Variants in KIAA0586 observed in about 807,000 individuals in gnomAD.
KIAA0586 encodes the protein KIAA0586.
Under a neutral mutation model 169.8 loss-of-function variants are expected in KIAA0586, and 144 were observed. The ratio of observed to expected loss-of-function variants is 0.85; its 90% CI spans 0.74 to 0.97. The LOEUF is 0.97. Among genes scored for constraint, KIAA0586 ranks in the 50% least tolerant of loss-of-function variants. The pLI is 0.00. For missense variants in KIAA0586, 1,854 were observed against 1,823.0 expected, an observed-to-expected ratio of 1.02 and a Z score of -0.31; for synonymous variants, 625 against 612.4, an observed-to-expected ratio of 1.02 and a Z score of -0.30.
At chr14:58,536,069 A>T (rs775158178) in intron 29 of KIAA0586, among the ~76,000 whole-genome samples, 16 of 152,134 alleles carry the variant, frequency 1.1e-4, no homozygotes, top group Non-Finnish European at 2.1e-4. Context: ...TTTAAATATG[A>T]GTATAACTGT....
chr14:58,499,097 G>T, intron 27 of KIAA0586, 137 bp downstream of exon 27: 1 of 734,874 alleles, frequency 1.4e-6, no homozygotes, highest in Non-Finnish European at 2.1e-6. Context: ...AAAGTTTGGT[G>T]ATAACTTTTT....
chr14:58,497,269 AG>A, intron 26 of KIAA0586, among the ~76,000 whole-genome samples: 2 of 152,144 alleles, frequency 1.3e-5, no homozygotes, highest in Middle Eastern at 6.8e-3. Flanking sequence ...CACCATGCCC[AG>A]CCAACGATTT....
intron 26 of KIAA0586, among the ~76,000 whole-genome samples, chr14:58,492,937 GAGA>G (rs2042924847): frequency 6.6e-6 from 1 of 152,202 alleles, no homozygotes; most frequent in African/African-American, 2.4e-5. Context: ...GATACATCTG[GAGA>G]AGGAGATTGA....
At chr14:58,546,630 T>C (rs899523925) in intron 30 of KIAA0586, among the ~76,000 whole-genome samples, 2 of 152,232 alleles carry the variant, frequency 1.3e-5, no homozygotes, top group Non-Finnish European at 1.5e-5. Context: ...TAATACCAAG[T>C]TGACAGTCTT....
chr14:58,472,770 A>G (rs568568851), intron 18 of KIAA0586, among the ~76,000 whole-genome samples: 1 of 151,608 alleles, frequency 6.6e-6, no homozygotes, highest in South Asian at 2.1e-4. Context: ...GGATGGGACA[A>G]AAGATCATAG....
chr14:58,554,282 C>T (rs544699675), downstream of KIAA0586, among the ~76,000 whole-genome samples: 3 of 151,914 alleles, frequency 2.0e-5, no homozygotes, highest in African/African-American at 7.2e-5. Context: ...TTTGTATAGT[C>T]GCATACTAGG....
chr14:58,484,739 T>C (rs1280275986), intron 21 of KIAA0586, among the ~76,000 whole-genome samples: 1 of 149,924 alleles, frequency 6.7e-6, no homozygotes, highest in Non-Finnish European at 1.5e-5. Context: ...GTACATTAAT[T>C]ATTAAGCAAT....
chr14:58,482,536 C>A lies in KIAA0586; in HGVS notation c.2968C>A (p.Leu990Ile). ...AGTGGAAGGAACAAGCAGTGGCGCC[C>A]TCCAGCTTTTTGTTGATGCTGGTGT... ...DIVEGTSSGA[L>I]QLFVDAGVPV... Residue 990 changes from leucine (L) to isoleucine (I), a missense_variant, in exon 21 of 31, where the codon CTC (leucine) becomes ATC (isoleucine). By Grantham distance (5) the Leu-to-Ile change is conservative (BLOSUM62 2). Coordinates refer to ENST00000652326, the MANE Select transcript of KIAA0586 (RefSeq NM_001329943.3). 1 of 1,550,824 alleles carries A rather than the reference C, an allele frequency of 6.4e-7. No homozygotes were observed. The highest frequency in any genetic ancestry group is 8.7e-7 in the Non-Finnish European group (1 of 1,145,652).
intron 29 of KIAA0586, among the ~76,000 whole-genome samples, chr14:58,515,727 A>G (rs989286238): frequency 2.6e-5 from 4 of 152,146 alleles, no homozygotes; most frequent in African/African-American, 9.6e-5. Flanking sequence ...AAATCTGTGA[A>G]TCCAAATGTG....
intron 29 of KIAA0586, among the ~76,000 whole-genome samples, chr14:58,528,367 A>G (rs983596552): frequency 1.3e-5 from 2 of 152,212 alleles, no homozygotes; most frequent in East Asian, 1.9e-4. Flanking sequence ...ATAGACATCT[A>G]CAGAACTCTC....
At chr14:58,559,191 G>T in the KIAA0586 span, among the ~76,000 whole-genome samples, 1 of 152,298 alleles carries the variant, frequency 6.6e-6, no homozygotes, top group Middle Eastern at 3.4e-3. Flanking sequence ...CAGCACATGT[G>T]CAGTTCACCT....
At position 58,488,869 on chromosome 14, in the gene KIAA0586, C is replaced by T. The variant is rs1369727601; in HGVS notation, c.3776C>T (p.Pro1259Leu). The T allele has an allele frequency of 2.5e-6, 4 of 1,613,320 alleles. No individual in the cohort carries two copies. Among genetic ancestry groups the T allele is most frequent in the East Asian group, 4.5e-5 (2 of 44,848 alleles). ...TTTAGCTGTGGTCAAAAATTGGCCC[C>T]CAAGAGTAAGTTAATTTGTATTAGT... Reference protein sequence around the residue: ...ILFSCGQKLAPKILEDIGLYL... With the variant: ...ILFSCGQKLALKILEDIGLYL... The change falls in exon 24 of 31, where the codon CCC becomes CTC. Residue 1259 changes from proline to leucine, a missense_variant. Pro to Leu is a moderately conservative substitution (Grantham distance 98). Transcript: ENST00000652326.
intron 17 of KIAA0586, among the ~76,000 whole-genome samples, chr14:58,471,213 A>G (rs1204708562): frequency 6.6e-6 from 1 of 152,196 alleles, no homozygotes; most frequent in Admixed American, 6.5e-5. Context: ...ATTTATAACT[A>G]TTTGGAAAGT....
intron 21 of KIAA0586, among the ~76,000 whole-genome samples, 173 bp downstream of exon 21, chr14:58,482,885 C>T (rs1364353875): frequency 1.3e-5 from 2 of 152,162 alleles, no homozygotes; most frequent in Non-Finnish European, 2.9e-5. Flanking sequence ...ATCCTCCTGC[C>T]TCAGCCTCCT....
intron 26 of KIAA0586, among the ~76,000 whole-genome samples, chr14:58,495,530 G>A (rs1371186587): frequency 2.0e-5 from 3 of 151,938 alleles, no homozygotes; most frequent in South Asian, 2.1e-4. Context: ...ACTTCTGACC[G>A]CAAGTGATCC....
At chr14:58,553,550 TC>T (rs1437288394), downstream of KIAA0586, among the ~76,000 whole-genome samples, 2 of 151,576 alleles carry the variant, frequency 1.3e-5, no homozygotes, top group Non-Finnish European at 2.9e-5. Flanking sequence ...TTTTTTTTTT[TC>T]ATTGTCTTGG....
chr14:58,487,008 C>T lies in KIAA0586; in HGVS notation c.3146C>T (p.Ala1049Val), dbSNP rs753132081. 6.9e-6 allele frequency: 11 copies of T among 1,591,552 alleles called. No homozygotes were observed. Among genetic ancestry groups the T allele is most frequent in the Non-Finnish European group, 9.4e-6 (11 of 1,171,392 alleles). The change falls in exon 22 of 31, where the codon GCA becomes GTA. Residue 1049 changes from alanine to valine, a missense_variant and splice_region_variant. Ala to Val is a moderately conservative substitution (Grantham distance 64, BLOSUM62 0). Coordinates refer to ENST00000652326, the MANE Select transcript of KIAA0586 (RefSeq NM_001329943.3). ...TTTATCTTGTTTTATTTATTTTAGG[C>T]AAGAGTGTGCACCCCACTGCCTACC... ...DASTNETYLP[A>V]RVCTPLPTPQ...
At chr14:58,430,829 A>AATCATC (rs746906946) in intron 3 of KIAA0586, 112 bp downstream of exon 3, 3 of 606,168 alleles carry the variant, frequency 4.9e-6, no homozygotes, top group Non-Finnish European at 8.6e-6. Flanking sequence ...ATTGTTGTAC[A>AATCATC]ATCATCATCA....
At chr14:58,524,951 T>C (rs1199325531) in intron 29 of KIAA0586, among the ~76,000 whole-genome samples, 2 of 152,124 alleles carry the variant, frequency 1.3e-5, no homozygotes, top group Non-Finnish European at 2.9e-5. Context: ...GTCATCTGCC[T>C]GCCTTGGCCT....
Sources: allele counts gnomAD v4.1 joint callset (sites outside exome capture counted in the v4.1 genomes callset), GRCh38; gene constraint gnomAD v4.1.1; transcripts MANE v1.5; gene names NCBI Gene and HGNC (gene_info 2026-07-23, HGNC 2026-07-21).